The following MIER1 variants were observed in gnomAD, a reference collection of about 807,000 sequenced individuals.
The protein encoded by MIER1 is MIER1 transcriptional regulator, also known as mesoderm induction early response protein 1.
Under a neutral mutation model 75.7 loss-of-function variants are expected in MIER1, and 40 were observed. That is an observed-to-expected ratio of 0.53 (90% CI 0.41 to 0.69). The LOEUF is 0.69. MIER1 is among the 30% of genes least tolerant of loss of function. The pLI, the probability that MIER1 is intolerant of heterozygous loss-of-function variation, is 0.00. For missense variants in MIER1, 574 were observed against 680.2 expected (o/e 0.84, Z 1.74); for synonymous variants, 213 against 223.4 (o/e 0.95, Z 0.42).
chr1:66,976,601 A>G lies in MIER1; in HGVS notation c.1108A>G (p.Thr370Ala). ...FHLIQANKVR[T>A]RSVGECVAFY... ...AAGCATTTGTTTCTTACAGGTCCGA[A>G]CAAGGTCAGTTGGTGAATGTGTAGC... The change falls in exon 12 of 14, where the codon ACA becomes GCA. Residue 370 changes from threonine to alanine, a missense_variant. Physicochemically the swap from Thr to Ala is moderately conservative, Grantham distance 58 (BLOSUM62 0). Around this residue, in one of 3 missense-constraint regions of MIER1, gnomAD observed 101 missense variants for 173.1 expected, o/e 0.58. Coordinates refer to ENST00000401041, the MANE Select transcript of MIER1 (RefSeq NM_001077700.3). 6.3e-7 allele frequency: 1 copy of G among 1,587,172 alleles called. No homozygotes were observed. Among genetic ancestry groups the G allele is most frequent in the Non-Finnish European group, 8.6e-7 (1 of 1,168,696 alleles).
intron 12 of MIER1, among the ~76,000 whole-genome samples, chr1:66,980,326 C>T (rs1406672061): frequency 1.5e-4 from 23 of 152,120 alleles, no homozygotes; most frequent in Non-Finnish European, 1.5e-5. Context: ...TAATTGAATT[C>T]CCTTCATTTA....
chr1:66,959,616 T>C lies in MIER1; in HGVS notation c.635-63T>C, dbSNP rs982492929. On this transcript the variant is annotated intron_variant, in intron 6 of 13. Transcript: ENST00000401041. ...AAATATTTGATGGTAGATGTAAAAATAATATGTAGATTTAGACAGGATAAG... is the reference window on the plus strand; with the variant it reads ...AAATATTTGATGGTAGATGTAAAAACAATATGTAGATTTAGACAGGATAAG... The C allele has an allele frequency of 5.1e-6, 4 of 789,228 alleles. No homozygotes were observed. In the African/African-American group the frequency reaches 7.3e-5, roughly 14 times the overall value. 48.9% of individuals were successfully genotyped at this position (789,228 alleles called of 1,614,324 possible). A position where few individuals can be genotyped will look rare whatever the true frequency, so the allele number is the denominator to read the frequency against.
intron 2 of MIER1, among the ~76,000 whole-genome samples, chr1:66,933,008 G>A (rs1426039620): frequency 6.6e-6 from 1 of 152,054 alleles, no homozygotes; most frequent in African/African-American, 2.4e-5. Context: ...GTATATATTG[G>A]TTCTTCAGTT....
chr1:66,946,876 A>C, intron 4 of MIER1: 7 of 985,204 alleles, frequency 7.1e-6, no homozygotes, highest in Non-Finnish European at 8.4e-6. Context: ...TCTGGAGTAC[A>C]CCACTGTCTG....
chr1:66,958,646 A>G (rs557954093), intron 5 of MIER1, among the ~76,000 whole-genome samples: 1 of 152,044 alleles, frequency 6.6e-6, no homozygotes, highest in African/African-American at 2.4e-5. Context: ...GTACAGTGCT[A>G]TTAACTAAAC....
chr1:66,975,727 G>C (rs1664576293), intron 11 of MIER1, among the ~76,000 whole-genome samples: 1 of 152,078 alleles, frequency 6.6e-6, no homozygotes, highest in African/African-American at 2.4e-5. Flanking sequence ...TGCACAAATA[G>C]GTACAGCACA....
At chr1:66,946,955 A>G in intron 4 of MIER1, 2 of 985,336 alleles carry the variant, frequency 2.0e-6, no homozygotes, top group African/African-American at 3.5e-5. Context: ...CAAGGTTTAC[A>G]TGTTGGCAGT....
At chr1:66,954,970 A>G (rs1180197089) in intron 4 of MIER1, among the ~76,000 whole-genome samples, 1 of 152,104 alleles carries the variant, frequency 6.6e-6, no homozygotes, top group East Asian at 1.9e-4. Context: ...CAGCCTCCCA[A>G]AGTGCTGGGA....
chr1:66,928,457 A>G (rs938568549), intron 2 of MIER1, among the ~76,000 whole-genome samples: 8 of 152,168 alleles, frequency 5.3e-5, no homozygotes, highest in African/African-American at 1.9e-4. Flanking sequence ...GCCAAATTTC[A>G]TAAATTAGCT....
intron 7 of MIER1, among the ~76,000 whole-genome samples, chr1:66,960,619 G>C (rs1661068393): frequency 6.6e-6 from 1 of 152,110 alleles, no homozygotes; most frequent in Non-Finnish European, 1.5e-5. Flanking sequence ...TTTGAGACCA[G>C]GCTGGGCAAC....
intron 12 of MIER1, 26 bp downstream of exon 12, chr1:66,976,748 T>C: frequency 1.3e-6 from 2 of 1,511,370 alleles, no homozygotes; most frequent in Non-Finnish European, 8.9e-7. Context: ...CCTTAAGAGC[T>C]ATATATACAT....
At chr1:66,968,516 C>T (rs1375494346) in intron 8 of MIER1, among the ~76,000 whole-genome samples, 1 of 151,944 alleles carries the variant, frequency 6.6e-6, no homozygotes, top group Admixed American at 6.6e-5. Context: ...CAGAATTCTC[C>T]TTTTCATTGA....
chr1:66,986,264 C>A lies in MIER1; in HGVS notation c.*1364C>A. 1 of 1,399,932 alleles carries A rather than the reference C, an allele frequency of 7.1e-7. No homozygotes were observed. The highest frequency in any genetic ancestry group is 9.2e-7 in the Non-Finnish European group (1 of 1,081,400). 86.7% of individuals were successfully genotyped at this position (1,399,932 alleles called of 1,614,324 possible). A position where few individuals can be genotyped will look rare whatever the true frequency, so the allele number is the denominator to read the frequency against. Reference sequence around the variant, plus strand: ...CTGTGTGATTACAGATAGGATTATCCATCTGCATAGCCTTGTAAAAGTGCC... The same window carrying A: ...CTGTGTGATTACAGATAGGATTATCAATCTGCATAGCCTTGTAAAAGTGCC... On this transcript the variant is annotated 3_prime_UTR_variant, in exon 14 of 14. Transcript: ENST00000401041.
chr1:66,984,670 C>T lies in MIER1; in HGVS notation c.1468C>T (p.Leu490Phe), dbSNP rs370178465. Reference sequence around the variant, plus strand: ...ACCAACAGGTGGAAATAAGAAACCACTTCATGCAGATATGGATACTAATGG... The same window carrying T: ...ACCAACAGGTGGAAATAAGAAACCATTTCATGCAGATATGGATACTAATGG... ...NGPTGGNKKP[L>F]HADMDTNGYE... The change falls in exon 14 of 14, where the codon CTT becomes TTT. Residue 490 changes from leucine (L) to phenylalanine (F), a missense_variant. Physicochemically the swap from Leu to Phe is conservative, Grantham distance 22 (BLOSUM62 0). Around this residue, in one of 3 missense-constraint regions of MIER1, gnomAD observed 164 missense variants for 154.3 expected, o/e 1.06. Transcript: ENST00000401041. 10 of 1,613,848 alleles carry T rather than the reference C, an allele frequency of 6.2e-6. No individual in the cohort carries two copies. The African/African-American group carries it at 8.0e-5, about 13-fold the overall frequency.
intron 8 of MIER1, among the ~76,000 whole-genome samples, chr1:66,968,985 T>G (rs1283850066): frequency 6.6e-6 from 1 of 152,230 alleles, no homozygotes; most frequent in East Asian, 1.9e-4. Flanking sequence ...AACTTTCGTC[T>G]GCAGAGAACA....
At chr1:66,945,353 T>C (rs540276448) in intron 3 of MIER1, among the ~76,000 whole-genome samples, 53 of 147,932 alleles carry the variant, frequency 3.6e-4, no homozygotes, top group African/African-American at 1.3e-3. Context: ...TGTAAATAGT[T>C]ATACTGTGTT....
At position 66,986,733 on chromosome 1, in the gene MIER1, G is replaced by A. The variant is rs1666834169; in HGVS notation, c.*1833G>A. 2 of 342,866 alleles carry A rather than the reference G, an allele frequency of 5.8e-6. No individual in the cohort carries two copies. Among genetic ancestry groups the A allele is most frequent in the Admixed American group, 9.3e-5 (2 of 21,490 alleles). 21.2% of individuals were successfully genotyped at this position (342,866 alleles called of 1,614,324 possible). Reference sequence around the variant, plus strand: ...GTAAATCAAAGTTTTGGGTGGAAGTGTTGAGAAGTATGAGTTTTTTGTTGT... The same window carrying A: ...GTAAATCAAAGTTTTGGGTGGAAGTATTGAGAAGTATGAGTTTTTTGTTGT... On this transcript the variant is annotated 3_prime_UTR_variant, in exon 14 of 14. Coordinates refer to ENST00000401041, the MANE Select transcript of MIER1 (RefSeq NM_001077700.3).
intron 2 of MIER1, among the ~76,000 whole-genome samples, chr1:66,929,773 G>A (rs979086235): frequency 6.6e-6 from 1 of 152,064 alleles, no homozygotes; most frequent in African/African-American, 2.4e-5. Flanking sequence ...AGAGATTTGG[G>A]GATATAGAAT....
intron 11 of MIER1, among the ~76,000 whole-genome samples, chr1:66,976,149 A>G (rs1368949470): frequency 6.6e-6 from 1 of 151,514 alleles, no homozygotes; most frequent in African/African-American, 2.4e-5. Context: ...GATTACAGGC[A>G]CCTGCCACCA....
Sources: allele counts gnomAD v4.1 joint callset (sites outside exome capture counted in the v4.1 genomes callset), GRCh38; gene constraint gnomAD v4.1.1; regional missense constraint gnomAD v4.1.1; transcripts MANE v1.5; gene names NCBI Gene and HGNC (gene_info 2026-07-23, HGNC 2026-07-21).